The following HIP1R variants were observed in gnomAD, a reference collection of about 807,000 sequenced individuals.
HIP1R encodes huntingtin-interacting protein 1-related protein.
In HIP1R, 135 loss-of-function variants were observed where a neutral mutation model predicts 144.2. The ratio of observed to expected loss-of-function variants is 0.94; its 90% CI spans 0.81 to 1.08. The LOEUF (loss-of-function observed/expected upper bound fraction) is 1.08, where lower values mean the gene tolerates loss of function less well. Ranked by LOEUF, HIP1R falls within the 50% of genes least tolerant of loss-of-function variation. The pLI is 0.00. For synonymous variants in HIP1R, 698 were observed against 612.8 expected, an observed-to-expected ratio of 1.14 and a Z score of -2.05; for missense variants, 1,462 against 1,432.8, an observed-to-expected ratio of 1.02 and a Z score of -0.33.
Position 122,848,100 on chromosome 12 carries a change from C to A in HIP1R, c.157+6C>A. The A allele has an allele frequency of 3.1e-6, 5 of 1,613,274 alleles. No individual in the cohort carries two copies. Among genetic ancestry groups the A allele is most frequent in the Non-Finnish European group, 4.2e-6 (5 of 1,179,854 alleles). Reference sequence around the variant, plus strand: ...GAAGGAGAAGCACGCCCGGCGTATCCTTGGCCGGCTCTTGGACCCAGGAGT... The same window carrying A: ...GAAGGAGAAGCACGCCCGGCGTATCATTGGCCGGCTCTTGGACCCAGGAGT... On this transcript the variant is annotated splice_donor_region_variant and intron_variant, in intron 2 of 31. Coordinates refer to ENST00000253083, the MANE Select transcript of HIP1R (RefSeq NM_003959.3).
chr12:122,855,204 A>G, intron 10 of HIP1R, 61 bp from the exon 11 acceptor site: 1 of 1,610,894 alleles, frequency 6.2e-7, no homozygotes, highest in Non-Finnish European at 8.5e-7. Flanking sequence ...GGCTATGGAG[A>G]TGGCGGAAGG....
rs1251924366 is a variant in HIP1R, at chr12:122,856,619, T to A, written c.1519-6T>A. On this transcript the variant is annotated splice_polypyrimidine_tract_variant and splice_region_variant and intron_variant, in intron 16 of 31. Transcript: ENST00000253083. ...ACTGCCCCAGTGACACGCTGTCCTG[T>A]CCCAGCTAGAGGAGAAGAGCGACCA... 1 of 1,603,072 alleles carries A rather than the reference T, an allele frequency of 6.2e-7. No individual in the cohort carries two copies. The highest frequency in any genetic ancestry group is 1.7e-5 in the Admixed American group (1 of 58,326).
At position 122,848,522 on chromosome 12, in the gene HIP1R, A is replaced by G. The variant is rs755472997; in HGVS notation, c.214A>G (p.Ile72Val). 6.2e-7 allele frequency: 1 copy of G among 1,613,306 alleles called. No individual in the cohort carries two copies. Among genetic ancestry groups the G allele is most frequent in the South Asian group, 1.1e-5 (1 of 91,082 alleles). Residue 72 changes from isoleucine to valine, a missense_variant, in exon 3 of 32, where the codon ATT becomes GTT. Around this residue, in one of 2 missense-constraint regions of HIP1R, gnomAD observed 350 missense variants for 421.1 expected, o/e 0.83. Coordinates refer to ENST00000253083, the MANE Select transcript of HIP1R (RefSeq NM_003959.3). The part of the protein sequence containing the change: ...KGAFTFWSYA[I>V]GLPLPSSSIL... Reference sequence around the variant, plus strand: ...GGCTTTCACCTTCTGGTCCTACGCCATTGGGCTGCCGCTGCCCAGCAGCTC... The same window carrying G: ...GGCTTTCACCTTCTGGTCCTACGCCGTTGGGCTGCCGCTGCCCAGCAGCTC...
rs7972242 is a variant in HIP1R, at chr12:122,856,652, A to C, written c.1546A>C (p.Lys516Gln). Residue 516 changes from lysine to glutamine, a missense_variant, in exon 17 of 32, where the codon AAG (lysine) becomes CAG (glutamine). Around this residue, in one of 2 missense-constraint regions of HIP1R, gnomAD observed 1,112 missense variants for 1,011.7 expected, o/e 1.10. Coordinates refer to ENST00000253083, the MANE Select transcript of HIP1R (RefSeq NM_003959.3). ...AGAGGAGAAGAGCGACCAGCTGGAG[A>C]AGCTCAAGAGGGAGCTGGAGGCCAA... ...KLEEKSDQLE[K>Q]LKRELEAKAG... 11,041 of 1,604,780 alleles carry C rather than the reference A, an allele frequency of 6.9e-3. 703 individuals carry two copies. In the African/African-American group the frequency reaches 0.13, roughly 19 times the overall value.
chr12:122,855,473 G>C (rs2033538659), intron 11 of HIP1R, 68 bp downstream of exon 11: 1 of 1,547,810 alleles, frequency 6.5e-7, no homozygotes, highest in East Asian at 2.4e-5. Flanking sequence ...GGGAGTGTCG[G>C]GTGGCCAGCC....
rs770296090 is a variant in HIP1R, at chr12:122,835,510, C to A, written c.-41C>A. ...GCTGCCGGACCGTGAGGCTGTGAGT[C>A]GCGCGGACGGAGCCGGACAAAAGCG... On this transcript the variant is annotated 5_prime_UTR_variant, in exon 1 of 32. Transcript: ENST00000253083. The A allele has an allele frequency of 2.3e-6, 3 of 1,293,982 alleles. No homozygotes were observed. The highest frequency in any genetic ancestry group is 2.0e-5 in the South Asian group (1 of 51,036). 80.2% of individuals were successfully genotyped at this position (1,293,982 alleles called of 1,614,324 possible). A position where few individuals can be genotyped will look rare whatever the true frequency, so the allele number is the denominator to read the frequency against.
chr12:122,860,040 C>T lies in HIP1R; in HGVS notation c.2466-7C>T, dbSNP rs1047085848. 3.2e-6 allele frequency: 5 copies of T among 1,553,856 alleles called. No homozygotes were observed. In the South Asian group the frequency reaches 6.1e-5, roughly 19 times the overall value. ...GCGGCAGCTAAGTCTCTCCTTCTCT[C>T]CCCCAGGATCCTCAACTCCTGCACA... is the stretch of plus-strand genomic sequence containing the variant. On this transcript the variant is annotated splice_polypyrimidine_tract_variant and splice_region_variant and intron_variant, in intron 24 of 31. Transcript: ENST00000253083.
Position 122,845,336 on chromosome 12 carries a change from G to T in HIP1R, c.94-2695G>T, listed in dbSNP as rs558978191. ...CACTGTGCGAGCACTGTGCCTCCTT[G>T]TGTGGCGCTCTGAGCCTGGTGCACA... On this transcript the variant is annotated intron_variant, in intron 1 of 31. Coordinates refer to ENST00000253083, the MANE Select transcript of HIP1R (RefSeq NM_003959.3). Among the ~76,000 whole-genome samples, 10 of 152,354 alleles carry T rather than the reference G, an allele frequency of 6.6e-5. No individual in the cohort carries two copies. In the East Asian group the frequency reaches 1.5e-3, roughly 24 times the overall value.
At chr12:122,848,413 G>A in intron 2 of HIP1R, 53 bp from the exon 3 acceptor site, 1 of 1,563,294 alleles carries the variant, frequency 6.4e-7, no homozygotes, top group East Asian at 2.3e-5. Flanking sequence ...AGCCGGGTTT[G>A]CTGAGCCCCC....
Position 122,860,756 on chromosome 12 carries a change from G to A in HIP1R, c.2738G>A (p.Ser913Asn), listed in dbSNP as rs2033744737. The change falls in exon 28 of 32, where the codon AGC becomes AAC. Residue 913 changes from serine (S) to asparagine (N), a missense_variant. Around this residue, in one of 2 missense-constraint regions of HIP1R, gnomAD observed 1,112 missense variants for 1,011.7 expected, o/e 1.10. Coordinates refer to ENST00000253083, the MANE Select transcript of HIP1R (RefSeq NM_003959.3). ...GTCTGCTCCCACGAGATCGCAGCCA[G>A]CACGGCCCAGCTGGTGGCGGCCTCC... ...LIVCSHEIAA[S>N]TAQLVAASKV... is the part of the protein sequence containing the mutation. 1 of 1,613,078 alleles carries A rather than the reference G, an allele frequency of 6.2e-7. No individual in the cohort carries two copies. Among genetic ancestry groups the A allele is most frequent in the Admixed American group, 1.7e-5 (1 of 59,992 alleles).
chr12:122,857,397 G>A, intron 18 of HIP1R, 182 bp downstream of exon 18: 1 of 652,022 alleles, frequency 1.5e-6, no homozygotes, highest in Non-Finnish European at 2.8e-6. Flanking sequence ...ATCATAGCCT[G>A]TGTCATTACC....
rs369093468 is a variant in HIP1R at position 122,855,825 on chromosome 12, C to G, written c.1056-6C>G. 9.6e-6 allele frequency: 15 copies of G among 1,560,280 alleles called. No homozygotes were observed. The African/African-American group carries it at 1.6e-4, about 17-fold the overall frequency. ...TTAACTTGAACCCCAGGACCTCTGTCCCCAGGGACCTCCAGATTGAGAGCT... is the reference window on the plus strand; with the variant it reads ...TTAACTTGAACCCCAGGACCTCTGTGCCCAGGGACCTCCAGATTGAGAGCT... On this transcript the variant is annotated splice_region_variant and splice_polypyrimidine_tract_variant and intron_variant, in intron 12 of 31. Transcript: ENST00000253083.
Position 122,861,697 on chromosome 12 carries a change from C to A in HIP1R, c.3160-9C>A. The A allele has an allele frequency of 6.2e-7, 1 of 1,614,068 alleles. No individual in the cohort carries two copies. Among genetic ancestry groups the A allele is most frequent in the South Asian group, 1.1e-5 (1 of 91,078 alleles). ...GTGACCACTGACCCCCCACCTTTAA[C>A]CCCTGCAGCTTGACAAAAAGGATGG... is the stretch of plus-strand genomic sequence containing the variant. On this transcript the variant is annotated splice_polypyrimidine_tract_variant and intron_variant, in intron 31 of 31. Coordinates refer to ENST00000253083, the MANE Select transcript of HIP1R (RefSeq NM_003959.3).
rs776581985 is a variant in HIP1R at position 122,859,840 on chromosome 12, C to T, written c.2465+10C>T. On this transcript the variant is annotated intron_variant, in intron 24 of 31. Coordinates refer to ENST00000253083, the MANE Select transcript of HIP1R (RefSeq NM_003959.3). Reference sequence around the variant, plus strand: ...TGGAGGTGAACGAGAGGTGAGCCCCCCTTCTGTCCCCCCAGGCCCAGCCGA... The same window carrying T: ...TGGAGGTGAACGAGAGGTGAGCCCCTCTTCTGTCCCCCCAGGCCCAGCCGA... 13 of 1,611,362 alleles carry T rather than the reference C, an allele frequency of 8.1e-6. No individual in the cohort carries two copies. The East Asian group carries it at 2.5e-4, about 30-fold the overall frequency.
At position 122,855,161 on chromosome 12, in the gene HIP1R, G is replaced by C. The variant is rs763067680; in HGVS notation, c.852+33G>C. 3.7e-6 allele frequency: 6 copies of C among 1,610,004 alleles called. No individual in the cohort carries two copies. The Admixed American group carries it at 1.0e-4, about 27-fold the overall frequency. ...CCCCAAGAGGGCCCCGAGGCCCTTT[G>C]AGGACCCCAGGCACCTGGCTGGGCC... On this transcript the variant is annotated intron_variant, in intron 10 of 31. Coordinates refer to ENST00000253083, the MANE Select transcript of HIP1R (RefSeq NM_003959.3).
intron 2 of HIP1R, 103 bp from the exon 3 acceptor site, chr12:122,848,363 A>G (rs1162739145): frequency 2.8e-6 from 4 of 1,423,782 alleles, no homozygotes; most frequent in Non-Finnish European, 3.8e-6. Context: ...TGGGCACGTG[A>G]TTGGGGGCCG....
rs986949282 is a variant in HIP1R, at chr12:122,836,627, A to G, written c.93+984A>G. Among the ~76,000 whole-genome samples, 1 of 152,068 alleles carries G rather than the reference A, an allele frequency of 6.6e-6. No homozygotes were observed. Among genetic ancestry groups the G allele is most frequent in the Non-Finnish European group, 1.5e-5 (1 of 68,016 alleles). The stretch of plus-strand genomic sequence containing the variant: ...CAACCAAGACTGAAATGGCTGAAAA[A>G]TTTTACTCTAGAGATAAAGGAAGCC... On this transcript the variant is annotated intron_variant, in intron 1 of 31. Transcript: ENST00000253083. The surrounding 1 kb of genome is among the most constrained non-coding windows in gnomAD (Gnocchi z 4.1).
upstream of HIP1R, chr12:122,835,355 G>C (rs1180267052): frequency 5.8e-6 from 6 of 1,028,412 alleles, no homozygotes; most frequent in Non-Finnish European, 7.1e-6. Context: ...GGCGTTTGCG[G>C]GCGCGGGGGG....
intron 14 of HIP1R, 45 bp downstream of exon 14, chr12:122,856,208 C>A: frequency 6.2e-7 from 1 of 1,612,614 alleles, no homozygotes; most frequent in South Asian, 1.1e-5. Context: ...GTGTCCCCAG[C>A]CCCTGCCACC....
Sources: gnomAD v4.1 joint callset for allele counts (sites outside exome capture counted in the v4.1 genomes callset) on GRCh38, gnomAD v4.1.1 for gene constraint, gnomAD v4.1.1 regional missense constraint, Gnocchi (gnomAD v3.1) non-coding constraint, MANE v1.5 for transcripts, NCBI Gene and HGNC (gene_info 2026-07-23, HGNC 2026-07-21) for gene names.